XRN2: variants seen among roughly 807,000 people sequenced by gnomAD.
XRN2 encodes the protein DHM1-like protein.
A neutral mutation model predicts 138.5 loss-of-function variants in XRN2; 44 were observed. The ratio of observed to expected loss-of-function variants is 0.32; its 90% CI spans 0.25 to 0.41. The LOEUF is 0.41. XRN2 is among the 10% of genes least tolerant of loss of function. The pLI is 1.00. For missense variants in XRN2, 937 were observed against 1,169.3 expected (o/e 0.80, Z 2.90); for synonymous variants, 354 against 369.4 (o/e 0.96, Z 0.48).
intron 1 of XRN2, among the ~76,000 whole-genome samples, chr20:21,312,934 G>A (rs1194424369): frequency 6.6e-6 from 1 of 152,152 alleles, no homozygotes; most frequent in East Asian, 1.9e-4. Flanking sequence ...GTTCAATTGA[G>A]CAATGAACAG....
intron 7 of XRN2, 32 bp from the exon 8 acceptor site, chr20:21,331,735 AT>A: frequency 6.3e-7 from 1 of 1,592,640 alleles, no homozygotes; most frequent in Non-Finnish European, 8.5e-7. Flanking sequence ...TATATAATAT[AT>A]TAATATAAAT....
Position 21,368,463 on chromosome 20 carries a change from C to T in XRN2, c.2457C>T (p.Gly819=), listed in dbSNP as rs1216377762. The T allele has an allele frequency of 1.9e-6, 3 of 1,613,482 alleles. No individual in the cohort carries two copies. The highest frequency in any genetic ancestry group is 2.5e-6 in the Non-Finnish European group (3 of 1,179,762). Residue 819 remains glycine (G), a splice_region_variant and synonymous_variant, in exon 27 of 30, where the codon GGC becomes GGT. Coordinates refer to ENST00000377191, the MANE Select transcript of XRN2 (RefSeq NM_012255.5). ...HLDQAAFRTL[G]HVMPRGSGTG... ...TTTCTTGTGTTGGGTCCTTTTATAGCCATGTGATGCCAAGAGGCTCAGGAA... is the reference window on the plus strand; with the variant it reads ...TTTCTTGTGTTGGGTCCTTTTATAGTCATGTGATGCCAAGAGGCTCAGGAA...
At chr20:21,378,107 C>G (rs1334318405) in intron 27 of XRN2, among the ~76,000 whole-genome samples, 2 of 152,160 alleles carry the variant, frequency 1.3e-5, no homozygotes, top group East Asian at 3.8e-4. Context: ...AGCAGAGATT[C>G]CAGTGTTTTA....
intron 1 of XRN2, among the ~76,000 whole-genome samples, chr20:21,322,369 T>C (rs551328159): frequency 6.6e-6 from 1 of 152,364 alleles, no homozygotes; most frequent in East Asian, 1.9e-4. Flanking sequence ...AATTTTTCAT[T>C]AGCCCTTTGG....
intron 1 of XRN2, among the ~76,000 whole-genome samples, chr20:21,313,468 T>C (rs2122168419): frequency 6.6e-6 from 1 of 152,328 alleles, no homozygotes; most frequent in East Asian, 1.9e-4. Context: ...TATTTGCAAA[T>C]ATGGGATTCA....
At chr20:21,324,060 T>G (rs1390453466) in intron 1 of XRN2, among the ~76,000 whole-genome samples, 2 of 152,132 alleles carry the variant, frequency 1.3e-5, no homozygotes, top group Non-Finnish European at 2.9e-5. Context: ...AGAGGTTAGA[T>G]GAAGAGGCAG....
Position 21,344,099 on chromosome 20 carries a change from A to C in XRN2, c.1420A>C (p.Ile474Leu). The C allele has an allele frequency of 1.2e-6, 2 of 1,610,284 alleles. No homozygotes were observed. The highest frequency in any genetic ancestry group is 1.7e-6 in the Non-Finnish European group (2 of 1,177,008). Residue 474 changes from isoleucine to leucine, a missense_variant, in exon 16 of 30, where the codon ATA (isoleucine) becomes CTA (leucine). Coordinates refer to ENST00000377191, the MANE Select transcript of XRN2 (RefSeq NM_012255.5). ...TCATCATTGTCTGCAGAGTCCTTCG[A>C]TATCTCCTAATACGAGTTTCACATC... ...MRMQNNSSPS[I>L]SPNTSFTSDG...
intron 1 of XRN2, among the ~76,000 whole-genome samples, chr20:21,322,720 T>C (rs955248221): frequency 3.9e-5 from 6 of 152,250 alleles, no homozygotes; most frequent in African/African-American, 1.4e-4. Flanking sequence ...TATATTTGTA[T>C]TATCTTTACT....
intron 15 of XRN2, among the ~76,000 whole-genome samples, chr20:21,341,834 C>T (rs964698573): frequency 6.6e-6 from 1 of 152,082 alleles, no homozygotes; most frequent in African/African-American, 2.4e-5. Context: ...GTTATATGCC[C>T]TGTTGATGGT....
Position 21,347,757 on chromosome 20 carries a change from A to C in XRN2, c.1666-389A>C, listed in dbSNP as rs955595304. Reference sequence around the variant, plus strand: ...CCAATAATGTCTCTAACCACCTTACATGCTCAGTAAATGTCTGCTGTGACT... The same window carrying C: ...CCAATAATGTCTCTAACCACCTTACCTGCTCAGTAAATGTCTGCTGTGACT... On this transcript the variant is annotated intron_variant, in intron 17 of 29. Transcript: ENST00000377191. 2.0e-5 allele frequency among the ~76,000 whole-genome samples: 3 copies of C among 152,234 alleles called. No homozygotes were observed. The East Asian group carries it at 5.8e-4, about 29-fold the overall frequency.
At chr20:21,387,059 C>T (rs1399373137) in intron 29 of XRN2, 53 bp downstream of exon 29, 1 of 1,558,386 alleles carries the variant, frequency 6.4e-7, no homozygotes. Context: ...TTCAACAAGC[C>T]TCACAGGACT....
chr20:21,330,623 A>G lies in XRN2; in HGVS notation c.494A>G (p.Glu165Gly). 1 of 1,613,784 alleles carries G rather than the reference A, an allele frequency of 6.2e-7. No homozygotes were observed. The highest frequency in any genetic ancestry group is 8.5e-7 in the Non-Finnish European group (1 of 1,179,958). Residue 165 changes from glutamate to glycine, a missense_variant, in exon 6 of 30, where the codon GAA becomes GGA. By Grantham distance (98) the Glu-to-Gly change is moderately conservative. This residue lies in a region of XRN2 where 471 missense variants were observed against 581.2 expected (regional missense o/e 0.81). Coordinates refer to ENST00000377191, the MANE Select transcript of XRN2 (RefSeq NM_012255.5). The stretch of plus-strand genomic sequence containing the variant: ...TTCTTTCTATCATTTTAGGGAACTG[A>G]ATTCATGGACAATCTTGCTAAATGC... ...FDSNCITPGT[E>G]FMDNLAKCLR...
intron 14 of XRN2, among the ~76,000 whole-genome samples, 166 bp downstream of exon 14, chr20:21,339,254 T>A (rs1407334231): frequency 6.6e-6 from 1 of 152,230 alleles, no homozygotes; most frequent in Admixed American, 6.5e-5. Context: ...GGTGTCGATT[T>A]AAAGAAGGTC....
At chr20:21,322,897 G>A (rs1029914974) in intron 1 of XRN2, among the ~76,000 whole-genome samples, 4 of 152,186 alleles carry the variant, frequency 2.6e-5, no homozygotes, top group Non-Finnish European at 5.9e-5. Context: ...CCTTCTGGTA[G>A]GGGTGCTCTC....
intron 27 of XRN2, among the ~76,000 whole-genome samples, chr20:21,369,093 CCTT>C (rs1188540517): frequency 3.9e-5 from 6 of 152,144 alleles, no homozygotes; most frequent in African/African-American, 1.4e-4. Context: ...TGGTAACCGT[CCTT>C]CTACTCTCTG....
At chr20:21,364,601 G>T (rs1204799162) in intron 24 of XRN2, among the ~76,000 whole-genome samples, 1 of 152,120 alleles carries the variant, frequency 6.6e-6, no homozygotes, top group African/African-American at 2.4e-5. Context: ...GAGTCCAGGA[G>T]TTCAAGGCCA....
intron 20 of XRN2, among the ~76,000 whole-genome samples, chr20:21,350,968 T>A (rs542707784): frequency 1.3e-5 from 2 of 152,286 alleles, no homozygotes; most frequent in East Asian, 3.9e-4. Context: ...GTGGAGGATG[T>A]CTTGATTAAA....
chr20:21,372,240 T>G (rs2038771790), intron 27 of XRN2, among the ~76,000 whole-genome samples: 1 of 152,164 alleles, frequency 6.6e-6, no homozygotes, highest in African/African-American at 2.4e-5. Flanking sequence ...GGCACAGGAA[T>G]GGGAGGAGTG....
intron 27 of XRN2, among the ~76,000 whole-genome samples, chr20:21,379,446 C>A (rs943336441): frequency 1.1e-4 from 17 of 152,160 alleles, no homozygotes; most frequent in South Asian, 4.1e-4. Context: ...TTCTTTGAGC[C>A]TTTTTTCTTT....
Sources: allele counts gnomAD v4.1 joint callset (sites outside exome capture counted in the v4.1 genomes callset), GRCh38; gene constraint gnomAD v4.1.1; regional missense constraint gnomAD v4.1.1; transcripts MANE v1.5; gene names NCBI Gene and HGNC (gene_info 2026-07-23, HGNC 2026-07-21).